The following MCPH1 variants were observed in gnomAD, a reference collection of about 807,000 sequenced individuals.
MCPH1 encodes microcephalin.
MCPH1 carries 104 observed loss-of-function variants against 84.5 expected under a neutral mutation model. The observed-to-expected ratio is 1.23, with a 90% CI of 1.05 to 1.45. MCPH1 has a LOEUF of 1.45. MCPH1 is among the 40% of genes most tolerant of loss of function. The pLI, the probability that MCPH1 is intolerant of heterozygous loss-of-function variation, is 0.00. For synonymous variants in MCPH1, 514 were observed against 366.8 expected, an observed-to-expected ratio of 1.40 and a Z score of -4.58; for missense variants, 1,498 against 1,005.7, an observed-to-expected ratio of 1.49 and a Z score of -6.62.
At chr8:6,544,862 T>A (rs769939921) in intron 12 of MCPH1, among the ~76,000 whole-genome samples, 4 of 152,200 alleles carry the variant, frequency 2.6e-5, no homozygotes, top group Non-Finnish European at 5.9e-5. Context: ...AGGCCAATTA[T>A]GTCATTTCAG....
intron 12 of MCPH1, among the ~76,000 whole-genome samples, chr8:6,590,559 G>C (rs1308609214): frequency 2.6e-5 from 4 of 152,188 alleles, no homozygotes; most frequent in Non-Finnish European, 5.9e-5. Context: ...GCCTAATCTG[G>C]AATCTGGTTC....
At chr8:6,532,695 A>T (rs1049521676) in intron 12 of MCPH1, among the ~76,000 whole-genome samples, 2 of 152,152 alleles carry the variant, frequency 1.3e-5, no homozygotes, top group Admixed American at 6.5e-5. Context: ...AAATCTGGCA[A>T]CTTAGTCACA....
At chr8:6,611,086 G>A (rs1361182596) in intron 12 of MCPH1, among the ~76,000 whole-genome samples, 1 of 151,028 alleles carries the variant, frequency 6.6e-6, no homozygotes, top group Non-Finnish European at 1.5e-5. Context: ...TGCTTCTACT[G>A]TTGCTACACA....
chr8:6,517,786 C>T (rs1383686319), intron 12 of MCPH1, among the ~76,000 whole-genome samples: 1 of 152,174 alleles, frequency 6.6e-6, no homozygotes, highest in East Asian at 1.9e-4. Flanking sequence ...CCACAAATGG[C>T]AGAGCTAGAA....
At chr8:6,553,443 G>A (rs1313453407) in intron 12 of MCPH1, among the ~76,000 whole-genome samples, 1 of 152,146 alleles carries the variant, frequency 6.6e-6, no homozygotes, top group Non-Finnish European at 1.5e-5. Context: ...AATAACTTCA[G>A]AGGCTTGCTG....
At position 6,611,744 on chromosome 8, in the gene MCPH1, C is replaced by G. The variant is rs566888935; in HGVS notation, c.2215-9710C>G. Among the ~76,000 whole-genome samples the G allele has an allele frequency of 2.2e-3, 331 of 152,266 alleles. 1 individual carries two copies. Among genetic ancestry groups the G allele is most frequent in the Non-Finnish European group, 3.5e-3 (237 of 68,002 alleles). On this transcript the variant is annotated intron_variant, in intron 12 of 13. Coordinates refer to ENST00000344683, the MANE Select transcript of MCPH1 (RefSeq NM_024596.5). ...CGCCATTCTCCTGCCTCAGCCTCCCCAGTAGCTGGGACTACAGGCGTCCGC... is the reference window on the plus strand; with the variant it reads ...CGCCATTCTCCTGCCTCAGCCTCCCGAGTAGCTGGGACTACAGGCGTCCGC...
chr8:6,625,251 C>T (rs1326550542), intron 13 of MCPH1: 1 of 985,344 alleles, frequency 1.0e-6, no homozygotes, highest in Non-Finnish European at 1.2e-6. Flanking sequence ...GCTTACCCCA[C>T]ATGCTGGTTA....
chr8:6,443,950 A>G (rs1016891020), intron 7 of MCPH1, among the ~76,000 whole-genome samples: 14 of 152,332 alleles, frequency 9.2e-5, no homozygotes, highest in African/African-American at 1.2e-4. Flanking sequence ...CGAGGACTTT[A>G]CTGGAAGACA....
intron 11 of MCPH1, among the ~76,000 whole-genome samples, chr8:6,490,477 C>G (rs1474297880): frequency 6.6e-6 from 1 of 152,180 alleles, no homozygotes; most frequent in Non-Finnish European, 1.5e-5. Context: ...CATCATACTT[C>G]TCTTACAGTC....
chr8:6,514,918 C>T (rs551849359), intron 12 of MCPH1: 16 of 621,900 alleles, frequency 2.6e-5, no homozygotes, highest in African/African-American at 3.6e-5. Context: ...AGTAGACCAT[C>T]GGGGTTGTCT....
intron 11 of MCPH1, among the ~76,000 whole-genome samples, chr8:6,485,081 C>G (rs1484686097): frequency 6.6e-6 from 1 of 152,126 alleles, no homozygotes; most frequent in Non-Finnish European, 1.5e-5. Context: ...AATCCCAGCA[C>G]TTTTGGAGGC....
intron 13 of MCPH1, among the ~76,000 whole-genome samples, chr8:6,632,714 C>A (rs913552015): frequency 2.6e-5 from 4 of 152,038 alleles, no homozygotes; most frequent in African/African-American, 7.2e-5. Flanking sequence ...GAGGCTGAGG[C>A]AGGAGAATCA....
intron 13 of MCPH1, chr8:6,626,474 GTTTTT>G (rs71213328): frequency 1.9e-5 from 18 of 925,364 alleles, no homozygotes; most frequent in Admixed American, 8.6e-5. Context: ...TTTTTGTTTT[GTTTTT>G]TTTTTTTTTT....
intron 12 of MCPH1, among the ~76,000 whole-genome samples, chr8:6,554,106 T>C (rs758167691): frequency 8.0e-5 from 12 of 149,794 alleles, no homozygotes; most frequent in Non-Finnish European, 1.8e-4. Flanking sequence ...CAGGGAGATA[T>C]GGGTGGTATC....
rs199422125 is a variant in MCPH1 at position 6,436,147 on chromosome 8, C to CA, written c.427dup (p.Thr143AsnfsTer5). The CA allele has an allele frequency of 1.9e-6, 3 of 1,612,764 alleles. No individual in the cohort carries two copies. The highest frequency in any genetic ancestry group is 2.5e-6 in the Non-Finnish European group (3 of 1,179,516). ...GAAAATGGCTAAAGAGCTACAAAGG[C>CA]AAAAAACAAATCTAGGTAAGCTAAG... On this transcript the variant is annotated frameshift_variant, in exon 5 of 14. Transcript: ENST00000344683. LOFTEE classifies it high-confidence loss of function.
chr8:6,636,830 C>T (rs1262951506), intron 13 of MCPH1, among the ~76,000 whole-genome samples: 1 of 152,178 alleles, frequency 6.6e-6, no homozygotes, highest in East Asian at 1.9e-4. Context: ...GAATTCAAAA[C>T]ATTTCTGGTC....
intron 12 of MCPH1, among the ~76,000 whole-genome samples, chr8:6,525,162 A>G (rs533496545): frequency 6.6e-6 from 1 of 152,346 alleles, no homozygotes; most frequent in East Asian, 1.9e-4. Flanking sequence ...TACCCATTAC[A>G]TATCTCGCCC....
intron 9 of MCPH1, among the ~76,000 whole-genome samples, chr8:6,469,758 C>T (rs931219591): frequency 2.6e-5 from 4 of 152,140 alleles, no homozygotes; most frequent in African/African-American, 9.7e-5. Context: ...TTTAACTTGA[C>T]CTATCTTTGG....
chr8:6,547,065 G>T (rs1411259929), intron 12 of MCPH1, among the ~76,000 whole-genome samples: 1 of 152,070 alleles, frequency 6.6e-6, no homozygotes, highest in Non-Finnish European at 1.5e-5. Context: ...TACCGTGGTT[G>T]CCTTCGGGCT....
Sources: gnomAD v4.1 joint callset for allele counts (sites outside exome capture counted in the v4.1 genomes callset) on GRCh38, gnomAD v4.1.1 for gene constraint, MANE v1.5 for transcripts, NCBI Gene and HGNC (gene_info 2026-07-23, HGNC 2026-07-21) for gene names.